Variants in PACRG observed in about 807,000 individuals in gnomAD.
PACRG encodes the protein parkin coregulated gene protein.
Under a neutral mutation model 29.7 loss-of-function variants are expected in PACRG, and 29 were observed. That is an observed-to-expected ratio of 0.98 (90% CI 0.73 to 1.33). PACRG has a LOEUF of 1.33. Ranked by LOEUF, PACRG falls within the 40% of genes most tolerant of loss-of-function variation. The probability of loss-of-function intolerance (pLI) is 0.00; values close to 1 mark genes in which losing one functional copy is unlikely to be tolerated. For missense variants in PACRG, 279 were observed against 316.2 expected, an observed-to-expected ratio of 0.88 and a Z score of 0.89; for synonymous variants, 116 against 118.7, an observed-to-expected ratio of 0.98 and a Z score of 0.15.
At chr6:163,162,557 G>A (rs981617801) in intron 4 of PACRG, among the ~76,000 whole-genome samples, 93 of 152,358 alleles carry the variant, frequency 6.1e-4, no homozygotes, top group African/African-American at 2.2e-3. Context: ...GGATTGGCAA[G>A]TGCAGACTAC....
intron 1 of PACRG, among the ~76,000 whole-genome samples, chr6:162,756,241 G>T (rs535474083): frequency 1.3e-5 from 2 of 152,064 alleles, no homozygotes; most frequent in Non-Finnish European, 2.9e-5. Flanking sequence ...TGAAAGTGGC[G>T]TATTAAGGTC....
Position 163,022,433 on chromosome 6 carries a change from C to T in PACRG, c.292-39717C>T, listed in dbSNP as rs76976097. 3.6e-3 allele frequency among the ~76,000 whole-genome samples: 546 copies of T among 152,312 alleles called. 4 individuals carry two copies. Among genetic ancestry groups the T allele is most frequent in the African/African-American group, 0.013 (524 of 41,562 alleles). On this transcript the variant is annotated intron_variant, in intron 2 of 4. Transcript: ENST00000366888. ...TGAAGGCTGCCGAGATAAAAGCAGTCACCTCAGGGTGAGAGTCCAAGGATT... is the reference window on the plus strand; with the variant it reads ...TGAAGGCTGCCGAGATAAAAGCAGTTACCTCAGGGTGAGAGTCCAAGGATT...
chr6:162,801,404 T>A (rs548084074), intron 1 of PACRG, among the ~76,000 whole-genome samples: 17 of 152,244 alleles, frequency 1.1e-4, no homozygotes, highest in African/African-American at 4.1e-4. Flanking sequence ...CCACCATGCC[T>A]GGCTAATTTT....
intron 4 of PACRG, among the ~76,000 whole-genome samples, chr6:163,191,244 AACTTCACCATC>A (rs1198279522): frequency 1.3e-5 from 2 of 152,178 alleles, no homozygotes; most frequent in African/African-American, 4.8e-5. Flanking sequence ...TTAAAAAACT[AACTTCACCATC>A]ATCCCTTCCC....
intron 2 of PACRG, among the ~76,000 whole-genome samples, chr6:162,970,678 C>T (rs1342506177): frequency 1.3e-5 from 2 of 152,182 alleles, no homozygotes; most frequent in African/African-American, 4.8e-5. Flanking sequence ...ATCTTCACAG[C>T]CCTTTATCTC....
chr6:162,828,317 A>G (rs150472668), intron 2 of PACRG, among the ~76,000 whole-genome samples: 22 of 152,326 alleles, frequency 1.4e-4, no homozygotes, highest in African/African-American at 4.8e-4. Context: ...ATTGCTGAAG[A>G]AAAGTGTTTG....
chr6:162,902,848 C>A (rs568990995), intron 2 of PACRG, among the ~76,000 whole-genome samples: 38 of 152,286 alleles, frequency 2.5e-4, no homozygotes, highest in Non-Finnish European at 5.1e-4. Flanking sequence ...GACCCCATAA[C>A]AAATGCTGCC....
intron 1 of PACRG, among the ~76,000 whole-genome samples, chr6:162,765,412 C>T (rs1782704196): frequency 6.6e-6 from 1 of 152,134 alleles, no homozygotes; most frequent in Non-Finnish European, 1.5e-5. Flanking sequence ...ACTAAACCCT[C>T]CAGGTCCATA....
intron 4 of PACRG, among the ~76,000 whole-genome samples, chr6:163,217,543 C>T (rs1344380061): frequency 1.3e-5 from 2 of 152,182 alleles, no homozygotes; most frequent in East Asian, 1.9e-4. Context: ...GGGTCCCCAG[C>T]CCCCGGGCCA....
At chr6:163,299,616 C>T (rs998050696) in intron 4 of PACRG, among the ~76,000 whole-genome samples, 4 of 152,198 alleles carry the variant, frequency 2.6e-5, no homozygotes, top group Admixed American at 6.5e-5. Flanking sequence ...GCACGGTGCT[C>T]GTGCCTGTAA....
chr6:162,980,759 G>C (rs900796104), intron 2 of PACRG, among the ~76,000 whole-genome samples: 3 of 152,128 alleles, frequency 2.0e-5, no homozygotes, highest in African/African-American at 7.2e-5. Context: ...TATTGGCAAT[G>C]TATGGCCCCG....
intron 2 of PACRG, chr6:162,957,356 T>A: frequency 1.6e-6 from 1 of 617,042 alleles, no homozygotes; most frequent in South Asian, 1.9e-5. Flanking sequence ...CCACAGGCCC[T>A]GCTGACATGT....
intron 2 of PACRG, among the ~76,000 whole-genome samples, chr6:163,027,534 T>C (rs900323967): frequency 1.3e-5 from 2 of 152,198 alleles, no homozygotes; most frequent in African/African-American, 4.8e-5. Context: ...TGTACACTTT[T>C]AGCCTCACAT....
chr6:163,127,163 T>C (rs747192417), intron 4 of PACRG, among the ~76,000 whole-genome samples: 1 of 152,210 alleles, frequency 6.6e-6, no homozygotes, highest in Non-Finnish European at 1.5e-5. Context: ...TTAACAAAAG[T>C]GGCGTCATTT....
At chr6:163,047,869 T>G (rs902545987) in intron 2 of PACRG, among the ~76,000 whole-genome samples, 7 of 152,222 alleles carry the variant, frequency 4.6e-5, no homozygotes, top group Non-Finnish European at 1.0e-4. Flanking sequence ...CCGTTTATAT[T>G]TGTCAATCAT....
chr6:163,183,740 G>A (rs577770334), intron 4 of PACRG, among the ~76,000 whole-genome samples: 2 of 152,178 alleles, frequency 1.3e-5, no homozygotes, highest in African/African-American at 2.4e-5. Flanking sequence ...AAAATTAAAA[G>A]AAGTCATTTC....
chr6:163,093,023 G>A (rs1193015816), intron 4 of PACRG, among the ~76,000 whole-genome samples: 2 of 152,176 alleles, frequency 1.3e-5, no homozygotes, highest in East Asian at 1.9e-4. Context: ...GTTCATTTTG[G>A]CTCTAATTGC....
At chr6:162,823,451 A>C (rs1395190528) in intron 2 of PACRG, among the ~76,000 whole-genome samples, 3 of 150,684 alleles carry the variant, frequency 2.0e-5, no homozygotes, top group Admixed American at 2.0e-4. Flanking sequence ...TTCTATCATT[A>C]TCTCCCTCAA....
chr6:163,215,855 A>G (rs1781339876), intron 4 of PACRG, among the ~76,000 whole-genome samples: 1 of 152,210 alleles, frequency 6.6e-6, no homozygotes, highest in South Asian at 2.1e-4. Context: ...CAAATAGACA[A>G]ATACTGAAGC....
Sources: allele counts gnomAD v4.1 joint callset (sites outside exome capture counted in the v4.1 genomes callset), GRCh38; gene constraint gnomAD v4.1.1; transcripts MANE v1.5; gene names NCBI Gene and HGNC (gene_info 2026-07-23, HGNC 2026-07-21).